Variants in PRR16 observed in about 807,000 individuals in gnomAD.
PRR16 encodes the protein proline rich 16.
Under a neutral mutation model 18.2 loss-of-function variants are expected in PRR16, and 6 were observed. That is an observed-to-expected ratio of 0.33 (90% CI 0.18 to 0.65). The LOEUF (loss-of-function observed/expected upper bound fraction) is 0.65. PRR16 is among the 30% of genes least tolerant of loss of function. The pLI is 0.74. For synonymous variants in PRR16, 151 were observed against 147.8 expected, an observed-to-expected ratio of 1.02 and a Z score of -0.16; for missense variants, 412 against 376.6, an observed-to-expected ratio of 1.09 and a Z score of -0.78.
At chr5:120,768,466 T>G in the PRR16 span, among the ~76,000 whole-genome samples, 3 of 151,626 alleles carry the variant, frequency 2.0e-5, no homozygotes. Flanking sequence ...AATATATATA[T>G]AGAATTTATT....
the PRR16 span, among the ~76,000 whole-genome samples, chr5:120,732,439 A>G: frequency 6.6e-6 from 1 of 151,908 alleles, no homozygotes; most frequent in African/African-American, 2.4e-5. Context: ...TGATTATACT[A>G]TTTTTTCTTT....
chr5:120,579,317 G>A (rs1240818039), intron 1 of PRR16, among the ~76,000 whole-genome samples: 1 of 152,088 alleles, frequency 6.6e-6, no homozygotes, highest in Admixed American at 6.5e-5. Flanking sequence ...CTGTCATGAA[G>A]TCTTTGCCCA....
the PRR16 span, among the ~76,000 whole-genome samples, chr5:120,717,589 T>C: frequency 1.3e-5 from 2 of 152,208 alleles, no homozygotes; most frequent in Admixed American, 6.5e-5. Context: ...CTGTCACATA[T>C]GCAGTCCTTT....
At chr5:120,562,651 T>G (rs140953337) in intron 1 of PRR16, among the ~76,000 whole-genome samples, 1,545 of 152,250 alleles carry the variant, frequency 0.01, 10 homozygotes, top group Non-Finnish European at 0.013. Flanking sequence ...CCATTGCATG[T>G]TTTTTGATCT....
At chr5:120,517,392 C>T (rs976878506) in intron 1 of PRR16, among the ~76,000 whole-genome samples, 1 of 152,102 alleles carries the variant, frequency 6.6e-6, no homozygotes, top group Non-Finnish European at 1.5e-5. Flanking sequence ...CCTACCCATT[C>T]CCACAAACCC....
In PRR16 at chr5:120,537,769, GTTTTT is replaced by G. The variant is rs71623210; in HGVS notation, c.159+73145_159+73149del. Among the ~76,000 whole-genome samples the G allele has an allele frequency of 1.7e-5, 2 of 115,196 alleles. 1 individual carries two copies. The highest frequency in any genetic ancestry group is 6.6e-5 in the African/African-American group (2 of 30,434). 75.6% of individuals were successfully genotyped at this position (115,196 alleles called of 152,430 possible). Reference sequence around the variant, plus strand: ...ACCCATATAACTTGGAATTTTTAATGTTTTTTTTTTTTTTTTTTTTTTTTTGAGAC... The same window carrying G: ...ACCCATATAACTTGGAATTTTTAATGTTTTTTTTTTTTTTTTTTTTGAGAC... On this transcript the variant is annotated intron_variant, in intron 1 of 1. Transcript: ENST00000407149.
At chr5:120,757,473 C>T in the PRR16 span, among the ~76,000 whole-genome samples, 2 of 151,814 alleles carry the variant, frequency 1.3e-5, no homozygotes, top group African/African-American at 2.4e-5. Flanking sequence ...CCATTTGTCT[C>T]ATCTGTGAGT....
chr5:120,791,525 G>T, the PRR16 span, among the ~76,000 whole-genome samples: 1 of 150,852 alleles, frequency 6.6e-6, no homozygotes, highest in Non-Finnish European at 1.5e-5. Flanking sequence ...TAAAAAAAAA[G>T]GTCACTAATC....
chr5:120,708,089 G>A, the PRR16 span, among the ~76,000 whole-genome samples: 1 of 152,210 alleles, frequency 6.6e-6, no homozygotes. Flanking sequence ...GATTTTTAAT[G>A]TAACAAATGA....
chr5:120,584,420 GT>G (rs1487864454), intron 1 of PRR16, among the ~76,000 whole-genome samples: 3 of 151,938 alleles, frequency 2.0e-5, no homozygotes, highest in African/African-American at 4.8e-5. Context: ...TAATAAATTG[GT>G]CTATGAAAAT....
intron 1 of PRR16, among the ~76,000 whole-genome samples, chr5:120,677,682 T>C (rs901364631): frequency 3.3e-5 from 5 of 152,082 alleles, no homozygotes; most frequent in African/African-American, 1.2e-4. Flanking sequence ...ATTCTTGTGG[T>C]TGAGAATTGT....
intron 1 of PRR16, among the ~76,000 whole-genome samples, chr5:120,667,769 G>C (rs1255932978): frequency 1.3e-5 from 2 of 152,156 alleles, no homozygotes; most frequent in Non-Finnish European, 2.9e-5. Context: ...GCGGTTTTGA[G>C]AGAGTTTCTT....
the PRR16 span, among the ~76,000 whole-genome samples, chr5:120,775,313 A>T: frequency 3.9e-5 from 6 of 152,122 alleles, no homozygotes; most frequent in African/African-American, 1.2e-4. Context: ...CTGTCTTAGG[A>T]AATGGCATTA....
chr5:120,734,311 C>T, the PRR16 span, among the ~76,000 whole-genome samples: 2 of 151,926 alleles, frequency 1.3e-5, no homozygotes, highest in Non-Finnish European at 2.9e-5. Context: ...GGCTGGGGCA[C>T]ATTTTTCACA....
At chr5:120,602,465 CAG>C (rs922747833) in intron 1 of PRR16, among the ~76,000 whole-genome samples, 64 of 152,170 alleles carry the variant, frequency 4.2e-4, no homozygotes, top group African/African-American at 1.4e-3. Flanking sequence ...AGCCTTTTGG[CAG>C]AGTCTTTAGG....
chr5:120,494,293 T>G (rs1446572798), intron 1 of PRR16, among the ~76,000 whole-genome samples: 1 of 152,118 alleles, frequency 6.6e-6, no homozygotes, highest in Non-Finnish European at 1.5e-5. Context: ...TTTTAGCATC[T>G]TTTCATTTGC....
At chr5:120,621,628 G>A (rs963471327) in intron 1 of PRR16, among the ~76,000 whole-genome samples, 3 of 152,038 alleles carry the variant, frequency 2.0e-5, no homozygotes, top group Non-Finnish European at 4.4e-5. Flanking sequence ...GGATTATGGG[G>A]GCAGTTTCCC....
chr5:120,766,413 A>C, the PRR16 span, among the ~76,000 whole-genome samples: 1 of 151,966 alleles, frequency 6.6e-6, no homozygotes, highest in Non-Finnish European at 1.5e-5. Context: ...TGAACCCTCT[A>C]TTCAACTATT....
chr5:120,511,726 C>T (rs906757885), intron 1 of PRR16, among the ~76,000 whole-genome samples: 2 of 152,080 alleles, frequency 1.3e-5, no homozygotes, highest in African/African-American at 2.4e-5. Context: ...TTAGTCTCAT[C>T]CTATAGAAAA....
Sources: gnomAD v4.1 joint callset for allele counts (sites outside exome capture counted in the v4.1 genomes callset) on GRCh38, gnomAD v4.1.1 for gene constraint, MANE v1.5 for transcripts, NCBI Gene and HGNC (gene_info 2026-07-23, HGNC 2026-07-21) for gene names.